Variants in SYT1 observed in about 807,000 individuals in gnomAD.
The protein encoded by SYT1 is synaptotagmin-1.
SYT1 carries 8 observed loss-of-function variants against 44.8 expected under a neutral mutation model. The ratio of observed to expected loss-of-function variants is 0.18; its 90% CI spans 0.10 to 0.32. The LOEUF is 0.32. SYT1 is among the 10% of genes least tolerant of loss of function. SYT1 has a pLI of 1.00. For missense variants in SYT1, 286 were observed against 509.3 expected (o/e 0.56, Z 4.22); for synonymous variants, 154 against 188.8 (o/e 0.82, Z 1.51).
At chr12:79,209,992 A>G (rs1366031061) in intron 3 of SYT1, among the ~76,000 whole-genome samples, 2 of 152,148 alleles carry the variant, frequency 1.3e-5, no homozygotes, top group Non-Finnish European at 2.9e-5. Context: ...TTTGCATGCT[A>G]TTGTTATAAA....
At chr12:79,078,107 A>T (rs904618939) in intron 3 of SYT1, among the ~76,000 whole-genome samples, 2 of 152,180 alleles carry the variant, frequency 1.3e-5, no homozygotes, top group African/African-American at 4.8e-5. Context: ...CACTAGAACT[A>T]TAAAATTAAG....
chr12:79,299,955 A>G (rs1421036226), intron 8 of SYT1, among the ~76,000 whole-genome samples: 1 of 152,212 alleles, frequency 6.6e-6, no homozygotes, highest in Non-Finnish European at 1.5e-5. Flanking sequence ...TTACACAGAA[A>G]TAAAATGGTA....
intron 1 of SYT1, among the ~76,000 whole-genome samples, chr12:78,888,378 T>TA (rs937324238): frequency 1.1e-4 from 16 of 152,034 alleles, no homozygotes; most frequent in African/African-American, 3.9e-4. Context: ...TCATTTTAAA[T>TA]AAAAATAGAT....
At chr12:79,049,012 A>G (rs192070385) in intron 3 of SYT1, among the ~76,000 whole-genome samples, 64 of 152,034 alleles carry the variant, frequency 4.2e-4, no homozygotes, top group Admixed American at 2.7e-3. Context: ...TCATTGGAAA[A>G]TGGTTGAATT....
At chr12:79,088,682 A>C (rs956680546) in intron 3 of SYT1, among the ~76,000 whole-genome samples, 5 of 151,976 alleles carry the variant, frequency 3.3e-5, no homozygotes, top group Non-Finnish European at 5.9e-5. Context: ...GGAGGAGCGC[A>C]AACATGGAGA....
chr12:79,064,928 GAAA>G (rs1875668882), intron 3 of SYT1, among the ~76,000 whole-genome samples: 2 of 34,668 alleles, frequency 5.8e-5, no homozygotes. Flanking sequence ...AAAATAGAGA[GAAA>G]GAAAGAAAGA....
At chr12:79,154,716 C>T (rs897800365) in intron 3 of SYT1, among the ~76,000 whole-genome samples, 11 of 152,010 alleles carry the variant, frequency 7.2e-5, no homozygotes, top group South Asian at 2.1e-4. Flanking sequence ...TCAAACACTT[C>T]GTGAAAGGGT....
In SYT1 at chr12:79,137,136, C is replaced by T. The variant is rs1456809982; in HGVS notation, c.-17-80367C>T. ...CCAAGATGGAGTTTCACTCTTATTG[C>T]CCAGCCTGGAGTGCAATGGTGCAAT... On this transcript the variant is annotated intron_variant, in intron 3 of 10. Transcript: ENST00000261205. 2.0e-5 allele frequency among the ~76,000 whole-genome samples: 3 copies of T among 151,850 alleles called. 1 individual carries two copies. Among genetic ancestry groups the T allele is most frequent in the Middle Eastern group, 6.8e-3 (2 of 294 alleles).
chr12:79,385,205 T>C (rs1884388583), intron 9 of SYT1, among the ~76,000 whole-genome samples: 1 of 152,108 alleles, frequency 6.6e-6, no homozygotes, highest in South Asian at 2.1e-4. Context: ...CAGGCTGGTC[T>C]TGAACTCCTG....
At chr12:79,299,614 T>C in intron 8 of SYT1, 63 bp downstream of exon 8, 3 of 1,564,644 alleles carry the variant, frequency 1.9e-6, no homozygotes, top group Non-Finnish European at 1.7e-6. Flanking sequence ...GCTCATATAA[T>C]AACTTATTGA....
intron 3 of SYT1, among the ~76,000 whole-genome samples, chr12:79,090,303 G>A (rs1877684330): frequency 6.6e-6 from 1 of 152,038 alleles, no homozygotes; most frequent in Non-Finnish European, 1.5e-5. Context: ...AACTGAAGGT[G>A]TTGAAGGTGT....
At chr12:78,996,735 C>G (rs2137510991) in intron 2 of SYT1, among the ~76,000 whole-genome samples, 1 of 152,246 alleles carries the variant, frequency 6.6e-6, no homozygotes, top group East Asian at 1.9e-4. Flanking sequence ...CTGCTCAACT[C>G]TAGTTTACCA....
intron 4 of SYT1, among the ~76,000 whole-genome samples, chr12:79,232,934 C>T (rs1875953310): frequency 6.6e-6 from 1 of 152,298 alleles, no homozygotes; most frequent in South Asian, 2.1e-4. Flanking sequence ...ACCATTCTGC[C>T]ATGCCCTCTA....
chr12:79,251,585 C>T (rs1877213837), intron 4 of SYT1, among the ~76,000 whole-genome samples: 1 of 152,272 alleles, frequency 6.6e-6, no homozygotes, highest in South Asian at 2.1e-4. Flanking sequence ...ACTCTGTAGT[C>T]ATCGCCTGAA....
At chr12:79,220,514 A>G (rs1875095160) in intron 4 of SYT1, among the ~76,000 whole-genome samples, 2 of 151,894 alleles carry the variant, frequency 1.3e-5, no homozygotes, top group Admixed American at 1.3e-4. Context: ...CTATTTATTT[A>G]AGATTTTTCT....
At chr12:79,342,393 G>A (rs547252974) in intron 8 of SYT1, among the ~76,000 whole-genome samples, 26 of 149,610 alleles carry the variant, frequency 1.7e-4, no homozygotes, top group African/African-American at 5.9e-4. Context: ...CACCATGCCC[G>A]GCTATTTTTT....
chr12:78,999,907 C>T (rs889162997), intron 2 of SYT1, among the ~76,000 whole-genome samples: 1 of 152,040 alleles, frequency 6.6e-6, no homozygotes, highest in African/African-American at 2.4e-5. Flanking sequence ...TGCCAGGGTG[C>T]CGATTATACA....
chr12:79,246,276 T>G (rs1876845651), intron 4 of SYT1, among the ~76,000 whole-genome samples: 1 of 152,182 alleles, frequency 6.6e-6, no homozygotes, highest in Admixed American at 6.5e-5. Flanking sequence ...CCTCTACTCT[T>G]TTATTCACGT....
At chr12:79,206,067 A>T (rs1874106089) in intron 3 of SYT1, among the ~76,000 whole-genome samples, 1 of 152,196 alleles carries the variant, frequency 6.6e-6, no homozygotes, top group Non-Finnish European at 1.5e-5. Context: ...ATATAATTTG[A>T]ATTTTATTTT....
Sources: allele counts gnomAD v4.1 joint callset (sites outside exome capture counted in the v4.1 genomes callset), GRCh38; gene constraint gnomAD v4.1.1; transcripts MANE v1.5; gene names NCBI Gene and HGNC (gene_info 2026-07-23, HGNC 2026-07-21).